DPYSL2: variants seen among roughly 807,000 people sequenced by gnomAD.
DPYSL2 encodes the protein dihydropyrimidinase like 2, also known as dihydropyrimidinase-related protein 2.
Under a neutral mutation model 69.9 loss-of-function variants are expected in DPYSL2, and 13 were observed. That is an observed-to-expected ratio of 0.19 (90% CI 0.12 to 0.30). The LOEUF (loss-of-function observed/expected upper bound fraction) is 0.30, where lower values mean the gene tolerates loss of function less well. DPYSL2 is among the 10% of genes least tolerant of loss of function. The pLI is 1.00. For missense variants in DPYSL2, 587 were observed against 918.9 expected (o/e 0.64, Z 4.67); for synonymous variants, 326 against 359.1 (o/e 0.91, Z 1.04).
intron 3 of DPYSL2, among the ~76,000 whole-genome samples, chr8:26,592,957 A>G (rs7825468): frequency 0.41 from 61,807 of 151,532 alleles, 14,379 homozygotes; most frequent in East Asian, 0.74. Flanking sequence ...TGATTTCTTT[A>G]GGTTTTGAGG....
At chr8:26,527,414 AT>A (rs1285024963) in intron 1 of DPYSL2, among the ~76,000 whole-genome samples, 1 of 151,864 alleles carries the variant, frequency 6.6e-6, no homozygotes, top group African/African-American at 2.4e-5. Flanking sequence ...TCGTAAGCTT[AT>A]TTTTTTCCTT....
chr8:26,540,355 A>T (rs1408505256), intron 1 of DPYSL2, among the ~76,000 whole-genome samples: 1 of 152,190 alleles, frequency 6.6e-6, no homozygotes, highest in African/African-American at 2.4e-5. Flanking sequence ...AAAAAAGACT[A>T]CAGGATTTAT....
Position 26,582,198 on chromosome 8 carries a change from A to G in DPYSL2, c.443+141A>G. 2 of 623,026 alleles carry G rather than the reference A, an allele frequency of 3.2e-6. No homozygotes were observed. The highest frequency in any genetic ancestry group is 2.7e-6 in the Non-Finnish European group (1 of 367,852). 38.6% of individuals were successfully genotyped at this position (623,026 alleles called of 1,614,324 possible). A position where few individuals can be genotyped will look rare whatever the true frequency, so the allele number is the denominator to read the frequency against. The stretch of plus-strand genomic sequence containing the variant: ...TAGTATCTGTTTTAAACTGGTTTTG[A>G]TTGGTGGTAATTAGTGAATTTGAAA... On this transcript the variant is annotated intron_variant, in intron 2 of 13. Transcript: ENST00000521913. The surrounding 1 kb of genome is among the most constrained non-coding windows in gnomAD (Gnocchi z 4.1).
At position 26,582,070 on chromosome 8, in the gene DPYSL2, C is replaced by G; in HGVS notation, c.443+13C>G. On this transcript the variant is annotated intron_variant, in intron 2 of 13. Transcript: ENST00000521913. The surrounding 1 kb of genome is among the most constrained non-coding windows in gnomAD (Gnocchi z 4.1). ...ATGGGTTGATCAAGTAAGTGTAACTCATGATATACAGATGTATTTGAACAC... is the reference window on the plus strand; with the variant it reads ...ATGGGTTGATCAAGTAAGTGTAACTGATGATATACAGATGTATTTGAACAC... 1 of 1,597,476 alleles carries G rather than the reference C, an allele frequency of 6.3e-7. No homozygotes were observed. Among genetic ancestry groups the G allele is most frequent in the Non-Finnish European group, 8.6e-7 (1 of 1,165,700 alleles).
chr8:26,537,989 A>C (rs1374149773), intron 1 of DPYSL2, among the ~76,000 whole-genome samples: 1 of 152,146 alleles, frequency 6.6e-6, no homozygotes, highest in African/African-American at 2.4e-5. Flanking sequence ...ACTGCCTCTC[A>C]GTTTGGAATC....
chr8:26,542,425 A>AT (rs1800700836), intron 1 of DPYSL2, among the ~76,000 whole-genome samples: 1 of 151,870 alleles, frequency 6.6e-6, no homozygotes, highest in Non-Finnish European at 1.5e-5. Context: ...ATATTAAAAA[A>AT]ATTTTTTTTT....
intron 3 of DPYSL2, among the ~76,000 whole-genome samples, chr8:26,599,557 C>T (rs950021174): frequency 6.7e-6 from 1 of 148,974 alleles, no homozygotes. Context: ...CCTCCCTCCA[C>T]TCCTCTCCCC....
At chr8:26,581,807 G>T (rs1273455601) in intron 1 of DPYSL2, among the ~76,000 whole-genome samples, 162 bp from the exon 2 acceptor site, 1 of 151,970 alleles carries the variant, frequency 6.6e-6, no homozygotes, top group Non-Finnish European at 1.5e-5. Flanking sequence ...TGATGAATAG[G>T]TTGCCACATA....
chr8:26,602,079 A>G (rs1016575252), intron 3 of DPYSL2, among the ~76,000 whole-genome samples: 3 of 152,004 alleles, frequency 2.0e-5, no homozygotes, highest in African/African-American at 7.2e-5. Flanking sequence ...ATAAAACAGA[A>G]TACTTGAAGT....
chr8:26,625,078 T>C (rs981621294), intron 4 of DPYSL2, among the ~76,000 whole-genome samples: 1 of 152,238 alleles, frequency 6.6e-6, no homozygotes, highest in Non-Finnish European at 1.5e-5. Context: ...GTGAGTGACA[T>C]GGCAAGAGGG....
intron 1 of DPYSL2, among the ~76,000 whole-genome samples, chr8:26,559,464 A>G (rs1801040292): frequency 6.6e-6 from 1 of 152,190 alleles, no homozygotes; most frequent in Non-Finnish European, 1.5e-5. Context: ...TTAGTACAGT[A>G]TTTTCAATCT....
chr8:26,542,009 G>T (rs1014951285), intron 1 of DPYSL2, among the ~76,000 whole-genome samples: 1 of 151,714 alleles, frequency 6.6e-6, no homozygotes, highest in Non-Finnish European at 1.5e-5. Context: ...GGTGGCTAAT[G>T]CCTGTAATCC....
At chr8:26,526,573 T>G (rs1362321959) in intron 1 of DPYSL2, among the ~76,000 whole-genome samples, 2 of 152,240 alleles carry the variant, frequency 1.3e-5, no homozygotes, top group Non-Finnish European at 2.9e-5. Flanking sequence ...GACTATAACT[T>G]CTAGAACCAT....
At position 26,565,563 on chromosome 8, in the gene DPYSL2, C is replaced by T. The variant is rs1339778249; in HGVS notation, c.355-16406C>T. 1.3e-5 allele frequency among the ~76,000 whole-genome samples: 2 copies of T among 152,030 alleles called. No individual in the cohort carries two copies. Among genetic ancestry groups the T allele is most frequent in the African/African-American group, 4.8e-5 (2 of 41,394 alleles). On this transcript the variant is annotated intron_variant, in intron 1 of 13. Coordinates refer to ENST00000521913, the MANE Select transcript of DPYSL2 (RefSeq NM_001197293.3). The surrounding 1 kb of genome is among the most constrained non-coding windows in gnomAD (Gnocchi z 4.1). The stretch of plus-strand genomic sequence containing the variant: ...AGGGCAGGCCAAGGTCATGGGTCAG[C>T]AAAGTGAAGGAACTGAGGGTATGTG...
Position 26,624,326 on chromosome 8 carries a change from A to T in DPYSL2, c.793+19A>T. On this transcript the variant is annotated intron_variant, in intron 4 of 13. Coordinates refer to ENST00000521913, the MANE Select transcript of DPYSL2 (RefSeq NM_001197293.3). This position sits in a 1 kb window ranked among gnomAD's most constrained non-coding sequence, Gnocchi z 4.7. ...GATCACGGTAGGTTGCACTGAGTCA[A>T]TGCCCTCTGCAGATGTTTCCGCTTC... is the stretch of plus-strand genomic sequence containing the variant. 1 of 1,612,768 alleles carries T rather than the reference A, an allele frequency of 6.2e-7. No individual in the cohort carries two copies. Among genetic ancestry groups the T allele is most frequent in the Non-Finnish European group, 8.5e-7 (1 of 1,179,120 alleles).
At chr8:26,634,516 A>C (rs1409069174) in intron 7 of DPYSL2, among the ~76,000 whole-genome samples, 1 of 147,666 alleles carries the variant, frequency 6.8e-6, no homozygotes, top group African/African-American at 2.5e-5. Context: ...TCCTGATCTC[A>C]GGTAATCCAC....
Position 26,565,715 on chromosome 8 carries a change from A to G in DPYSL2, c.355-16254A>G, listed in dbSNP as rs6999390. Among the ~76,000 whole-genome samples the G allele has an allele frequency of 3.3e-3, 506 of 152,330 alleles. 3 individuals are homozygous for G. Among genetic ancestry groups the G allele is most frequent in the African/African-American group, 8.7e-3 (361 of 41,568 alleles). On this transcript the variant is annotated intron_variant, in intron 1 of 13. Transcript: ENST00000521913. The surrounding 1 kb of genome is among the most constrained non-coding windows in gnomAD (Gnocchi z 4.1). ...TCGAGCACAAAAGGAGTTTATTTGT[A>G]TATCACATAATAGTTCAAGGTGGGT...
intron 1 of DPYSL2, among the ~76,000 whole-genome samples, chr8:26,536,182 C>T (rs1349501713): frequency 6.6e-6 from 1 of 151,238 alleles, no homozygotes; most frequent in Non-Finnish European, 1.5e-5. Context: ...TCAAGTAATC[C>T]TCCTGCCTCG....
chr8:26,655,573 T>G lies in DPYSL2; in HGVS notation c.1943-42T>G, dbSNP rs758333910. On this transcript the variant is annotated intron_variant, in intron 13 of 13. Transcript: ENST00000521913. ...CTTCAAGCAGGATCTTGTGTGACTG[T>G]CCTGGCCCCTCACCCGCTCCTCTCT... 3.9e-6 allele frequency: 6 copies of G among 1,538,258 alleles called. No homozygotes were observed. The East Asian group carries it at 1.4e-4, about 35-fold the overall frequency.
Sources: gnomAD v4.1 joint callset for allele counts (sites outside exome capture counted in the v4.1 genomes callset) on GRCh38, gnomAD v4.1.1 for gene constraint, Gnocchi (gnomAD v3.1) non-coding constraint, MANE v1.5 for transcripts, NCBI Gene and HGNC (gene_info 2026-07-23, HGNC 2026-07-21) for gene names.